The following P4HA1 variants were observed in gnomAD, a reference collection of about 807,000 sequenced individuals.
P4HA1 encodes prolyl 4-hydroxylase subunit alpha-1.
In P4HA1, 24 loss-of-function variants were observed where a neutral mutation model predicts 72.8. The observed-to-expected ratio is 0.33, with a 90% confidence interval of 0.24 to 0.46. P4HA1 has a LOEUF of 0.46. Ranked by LOEUF, P4HA1 falls within the 20% of genes least tolerant of loss-of-function variation. P4HA1 has a pLI of 1.00. For missense variants in P4HA1, 446 were observed against 640.6 expected (o/e 0.70, Z 3.28); for synonymous variants, 201 against 218.8 (o/e 0.92, Z 0.72).
chr10:73,080,327 A>G (rs947866532), intron 1 of P4HA1, among the ~76,000 whole-genome samples: 7 of 152,234 alleles, frequency 4.6e-5, no homozygotes, highest in African/African-American at 1.7e-4. Context: ...CTCTATCAGA[A>G]TCACCTAAAG....
intron 4 of P4HA1, among the ~76,000 whole-genome samples, chr10:73,069,206 CT>C (rs1841493645): frequency 6.6e-6 from 1 of 152,152 alleles, no homozygotes; most frequent in African/African-American, 2.4e-5. Flanking sequence ...GACTGTGACG[CT>C]GTTATATAAA....
chr10:73,095,987 T>C (rs1486428619), intron 1 of P4HA1, among the ~76,000 whole-genome samples: 1 of 152,178 alleles, frequency 6.6e-6, no homozygotes, highest in East Asian at 1.9e-4. Flanking sequence ...ATGTGGACTT[T>C]TAAAAGCTGC....
intron 1 of P4HA1, among the ~76,000 whole-genome samples, chr10:73,091,580 TATTTA>T (rs1165670359): frequency 3.3e-5 from 5 of 152,234 alleles, no homozygotes; most frequent in East Asian, 1.9e-4. Context: ...AGTTAATCAA[TATTTA>T]ATTTATTGTT....
chr10:73,091,422 C>G (rs1323477491), intron 1 of P4HA1, among the ~76,000 whole-genome samples: 1 of 152,130 alleles, frequency 6.6e-6, no homozygotes, highest in Non-Finnish European at 1.5e-5. Context: ...CCACCTCAGC[C>G]TCCCAAAGCA....
intron 5 of P4HA1, among the ~76,000 whole-genome samples, chr10:73,058,187 C>T (rs913449706): frequency 3.3e-5 from 5 of 150,496 alleles, no homozygotes; most frequent in Admixed American, 6.6e-5. Flanking sequence ...TCATGGGACG[C>T]GCTCTAGCAG....
intron 10 of P4HA1, among the ~76,000 whole-genome samples, chr10:73,017,619 A>C (rs1840040096): frequency 6.6e-6 from 1 of 152,230 alleles, no homozygotes; most frequent in Non-Finnish European, 1.5e-5. Context: ...CTTTAATAAA[A>C]TATCTTTTCT....
intron 5 of P4HA1, among the ~76,000 whole-genome samples, chr10:73,061,187 A>G (rs888780486): frequency 1.3e-5 from 2 of 152,224 alleles, no homozygotes; most frequent in African/African-American, 4.8e-5. Flanking sequence ...TCAGCATCAT[A>G]AAAAGTGGGA....
In P4HA1 at chr10:73,037,559, ATATATATATATATTTT is replaced by A. The variant is rs1319192248; in HGVS notation, c.1149-7205_1149-7190del. 7.4e-4 allele frequency among the ~76,000 whole-genome samples: 24 copies of A among 32,282 alleles called. 1 individual carries two copies. Among genetic ancestry groups the A allele is most frequent in the African/African-American group, 3.1e-3 (22 of 7,114 alleles). The allele number at this position is 32,282 out of a possible 152,430, so 21.2% of individuals were successfully genotyped here. ...TATATATATATATATATATATATAT[ATATATATATATATTTT>A]TTTTTTTTTTTTTTTACAAAGGCAA... On this transcript the variant is annotated intron_variant, in intron 9 of 14. Coordinates refer to ENST00000394890, the MANE Select transcript of P4HA1 (RefSeq NM_001017962.3).
At chr10:73,042,436 C>T (rs1840758415) in intron 9 of P4HA1, among the ~76,000 whole-genome samples, 1 of 152,018 alleles carries the variant, frequency 6.6e-6, no homozygotes, top group Non-Finnish European at 1.5e-5. Flanking sequence ...TCTATGTTTG[C>T]CTTTGCATAA....
intron 5 of P4HA1, among the ~76,000 whole-genome samples, chr10:73,067,552 T>C (rs111393464): frequency 0.047 from 7,169 of 152,180 alleles, 537 homozygotes; most frequent in African/African-American, 0.16. Context: ...ACCTGGTGCG[T>C]TCACCTCTTG....
At chr10:73,012,673 C>T (rs1839931598) in intron 12 of P4HA1, among the ~76,000 whole-genome samples, 1 of 151,904 alleles carries the variant, frequency 6.6e-6, no homozygotes, top group African/African-American at 2.4e-5. Flanking sequence ...ACTGAACAGA[C>T]AGATTTTGGT....
intron 10 of P4HA1, among the ~76,000 whole-genome samples, chr10:73,019,726 C>A (rs71469900): frequency 6.6e-3 from 1 of 152 alleles, no homozygotes; most frequent in African/African-American, 0.05. Context: ...GAGACTCTGT[C>A]TCAGAAAAAA....
At chr10:73,059,249 T>TA (rs1841240434) in intron 5 of P4HA1, among the ~76,000 whole-genome samples, 1 of 151,686 alleles carries the variant, frequency 6.6e-6, no homozygotes, top group Non-Finnish European at 1.5e-5. Context: ...TGTACCTTAT[T>TA]AGTCTAGTTT....
At chr10:73,009,498 G>GTA (rs1363728086) in intron 14 of P4HA1, 4 of 209,800 alleles carry the variant, frequency 1.9e-5, no homozygotes, top group Non-Finnish European at 3.9e-5. Flanking sequence ...GTATTAATAT[G>GTA]TACTACATTA....
At chr10:73,054,338 A>T (rs752359362) in intron 5 of P4HA1, among the ~76,000 whole-genome samples, 13 of 152,328 alleles carry the variant, frequency 8.5e-5, no homozygotes, top group African/African-American at 1.7e-4. Flanking sequence ...AATACCATAA[A>T]TTCACTCATT....
chr10:73,086,366 ATATGT>A (rs897095872), intron 1 of P4HA1, among the ~76,000 whole-genome samples: 77 of 152,390 alleles, frequency 5.1e-4, no homozygotes, highest in African/African-American at 1.8e-3. Flanking sequence ...AAGTACTGAT[ATATGT>A]TATAACACAA....
chr10:73,075,747 G>A (rs962799942), intron 1 of P4HA1, among the ~76,000 whole-genome samples: 1 of 150,884 alleles, frequency 6.6e-6, no homozygotes, highest in African/African-American at 2.4e-5. Context: ...TATATAGTGT[G>A]TGTGTGTGTG....
chr10:73,091,734 A>C lies in P4HA1; in HGVS notation c.-33+5032T>G, dbSNP rs1222108473. ...AAAATCAAAGAGCTTTGATTCTTGT[A>C]ATGGAAATATCTAGAGAAACTTGTG... On this transcript the variant is annotated intron_variant, in intron 1 of 14. Coordinates refer to ENST00000394890, the MANE Select transcript of P4HA1 (RefSeq NM_001017962.3). 2.6e-5 allele frequency among the ~76,000 whole-genome samples: 4 copies of C among 152,198 alleles called. No homozygotes were observed. In the South Asian group the frequency reaches 8.3e-4, roughly 31 times the overall value.
Position 73,007,577 on chromosome 10 carries a change from A to G in P4HA1, c.*645T>C, listed in dbSNP as rs8380. 0.21 allele frequency: 32,258 copies of G among 151,050 alleles called. 6,511 individuals carry two copies. Among genetic ancestry groups the G allele is most frequent in the African/African-American group, 0.52 (21,373 of 40,966 alleles). 9.4% of individuals were successfully genotyped at this position (151,050 alleles called of 1,614,324 possible). A position where few individuals can be genotyped will look rare whatever the true frequency, so the allele number is the denominator to read the frequency against. On this transcript the variant is annotated 3_prime_UTR_variant, in exon 15 of 15. Transcript: ENST00000394890. ...CCAGTGTTGTTATGCAGGACTTTCC[A>G]TTAAAAAAAAAAAAAAAATCGAAAT...
Sources: allele counts gnomAD v4.1 joint callset (sites outside exome capture counted in the v4.1 genomes callset), GRCh38; gene constraint gnomAD v4.1.1; transcripts MANE v1.5; gene names NCBI Gene and HGNC (gene_info 2026-07-23, HGNC 2026-07-21).